Variants in MGMT observed in about 807,000 individuals in gnomAD.
The protein encoded by MGMT is methylated-DNA--protein-cysteine methyltransferase.
MGMT carries 14 observed loss-of-function variants against 15.9 expected under a neutral mutation model. The observed-to-expected ratio is 0.88, with a 90% CI of 0.58 to 1.37. MGMT has a LOEUF of 1.37. MGMT is among the 40% of genes most tolerant of loss of function. MGMT has a pLI of 0.00. For missense variants in MGMT, 282 were observed against 268.1 expected, an observed-to-expected ratio of 1.05 and a Z score of -0.36; for synonymous variants, 130 against 118.2, an observed-to-expected ratio of 1.10 and a Z score of -0.65.
intron 3 of MGMT, among the ~76,000 whole-genome samples, chr10:129,721,538 G>A (rs1190431563): frequency 6.6e-6 from 1 of 152,190 alleles, no homozygotes; most frequent in East Asian, 1.9e-4. Context: ...TTTAAAAGAT[G>A]ATTAACTGTT....
rs1847246711 is a variant in MGMT at position 129,634,708 on chromosome 10, A to G, written c.126-73187A>G. Among the ~76,000 whole-genome samples the G allele has an allele frequency of 2.6e-5, 4 of 151,988 alleles. 1 individual carries two copies. The highest frequency in any genetic ancestry group is 9.7e-5 in the African/African-American group (4 of 41,378). On this transcript the variant is annotated intron_variant, in intron 2 of 4. Transcript: ENST00000651593. The stretch of plus-strand genomic sequence containing the variant: ...GGATCTTTTTTTTACTATATTCTAT[A>G]ATTCTAATTAACTTTTTGAATGTCT...
At chr10:129,564,668 C>CCCTCCTCTCCTTCCTCCA (rs1564853852) in intron 2 of MGMT, among the ~76,000 whole-genome samples, 1 of 123,256 alleles carries the variant, frequency 8.1e-6, no homozygotes, top group Non-Finnish European at 1.7e-5. Context: ...TCCTTCCTCC[C>CCCTCCTCTCCTTCCTCCA]CCTCCTCTCC....
intron 1 of MGMT, among the ~76,000 whole-genome samples, chr10:129,500,251 G>A (rs754648717): frequency 5.9e-5 from 9 of 152,182 alleles, no homozygotes; most frequent in Non-Finnish European, 1.0e-4. Flanking sequence ...GTTTCCTACC[G>A]TAGAAGCGTG....
At chr10:129,693,235 C>G (rs556336961) in intron 2 of MGMT, among the ~76,000 whole-genome samples, 2 of 152,198 alleles carry the variant, frequency 1.3e-5, no homozygotes, top group East Asian at 3.9e-4. Context: ...GGAGACTTTT[C>G]CAAGAAGTGT....
At chr10:129,736,653 G>C (rs1848566019) in intron 3 of MGMT, among the ~76,000 whole-genome samples, 1 of 152,138 alleles carries the variant, frequency 6.6e-6, no homozygotes, top group Non-Finnish European at 1.5e-5. Context: ...TTTTTTCCTA[G>C]TCTTGATGGT....
At chr10:129,658,601 G>A (rs1398150026) in intron 2 of MGMT, among the ~76,000 whole-genome samples, 1 of 152,160 alleles carries the variant, frequency 6.6e-6, no homozygotes, top group East Asian at 1.9e-4. Context: ...TTGAAGCCCA[G>A]CCTGCTCTTT....
chr10:129,649,294 T>G (rs1263329099), intron 2 of MGMT, among the ~76,000 whole-genome samples: 1 of 152,164 alleles, frequency 6.6e-6, no homozygotes, highest in Admixed American at 6.5e-5. Context: ...TGGCTTTAGC[T>G]GGACCACTTT....
chr10:129,729,210 G>A (rs901708779), intron 3 of MGMT, among the ~76,000 whole-genome samples: 1 of 152,130 alleles, frequency 6.6e-6, no homozygotes, highest in Non-Finnish European at 1.5e-5. Flanking sequence ...ACTCTTCAGG[G>A]GACAAACTTC....
intron 2 of MGMT, among the ~76,000 whole-genome samples, chr10:129,692,225 G>A (rs187363459): frequency 6.6e-5 from 10 of 152,288 alleles, no homozygotes; most frequent in African/African-American, 1.9e-4. Context: ...GGTCTGGAGC[G>A]TTACAGGTGG....
intron 1 of MGMT, among the ~76,000 whole-genome samples, chr10:129,512,140 C>T (rs746598346): frequency 1.3e-5 from 2 of 152,166 alleles, no homozygotes; most frequent in African/African-American, 2.4e-5. Context: ...TGCCCTCGCA[C>T]GTGGTGGGGT....
chr10:129,674,011 C>G (rs1589929057), intron 2 of MGMT, among the ~76,000 whole-genome samples: 1 of 152,162 alleles, frequency 6.6e-6, no homozygotes, highest in African/African-American at 2.4e-5. Flanking sequence ...TTACATATAG[C>G]AATTGTCTTG....
chr10:129,665,021 A>C (rs1305563126), intron 2 of MGMT, among the ~76,000 whole-genome samples: 1 of 151,734 alleles, frequency 6.6e-6, no homozygotes, highest in Non-Finnish European at 1.5e-5. Flanking sequence ...GGTGACAGTC[A>C]GGCAGGTTTA....
At chr10:129,750,492 A>G (rs1247698688) in intron 3 of MGMT, among the ~76,000 whole-genome samples, 1 of 152,120 alleles carries the variant, frequency 6.6e-6, no homozygotes, top group East Asian at 1.9e-4. Context: ...AAAATGTTCA[A>G]CAACAAGGAA....
chr10:129,567,698 G>C (rs563119955), intron 2 of MGMT, among the ~76,000 whole-genome samples: 4 of 152,286 alleles, frequency 2.6e-5, no homozygotes, highest in African/African-American at 7.2e-5. Flanking sequence ...TGGAATGGTA[G>C]GTTATTTTGT....
At chr10:129,645,011 C>G (rs900368481) in intron 2 of MGMT, among the ~76,000 whole-genome samples, 1 of 152,092 alleles carries the variant, frequency 6.6e-6, no homozygotes, top group Non-Finnish European at 1.5e-5. Context: ...AATGAATGCA[C>G]TAAGCTCAAG....
chr10:129,471,790 G>A (rs1845234443), intron 1 of MGMT, among the ~76,000 whole-genome samples: 1 of 152,130 alleles, frequency 6.6e-6, no homozygotes, highest in Admixed American at 6.5e-5. Context: ...GATCCTCTGG[G>A]AAGTAGCACT....
intron 2 of MGMT, chr10:129,536,592 A>G: frequency 1.9e-6 from 1 of 540,270 alleles, no homozygotes; most frequent in South Asian, 2.9e-5. Context: ...ACCTCCGATG[A>G]ACCCAGGGCC....
intron 1 of MGMT, among the ~76,000 whole-genome samples, chr10:129,482,114 AGT>A (rs1218914021): frequency 6.6e-6 from 1 of 152,140 alleles, no homozygotes; most frequent in Non-Finnish European, 1.5e-5. Context: ...TTTGATTCAG[AGT>A]GGCGTATTTC....
At chr10:129,552,068 G>A (rs1293601312) in intron 2 of MGMT, among the ~76,000 whole-genome samples, 3 of 152,210 alleles carry the variant, frequency 2.0e-5, no homozygotes, top group Non-Finnish European at 1.5e-5. Flanking sequence ...CTCCTCTCAT[G>A]GTTATGGGCC....
Sources: gnomAD v4.1 joint callset for allele counts (sites outside exome capture counted in the v4.1 genomes callset) on GRCh38, gnomAD v4.1.1 for gene constraint, MANE v1.5 for transcripts, NCBI Gene and HGNC (gene_info 2026-07-23, HGNC 2026-07-21) for gene names.